The following SHANK2 variants were observed in gnomAD, a reference collection of about 807,000 sequenced individuals.
SHANK2 encodes the protein SH3 and multiple ankyrin repeat domains protein 2.
Under a neutral mutation model 133.7 loss-of-function variants are expected in SHANK2, and 43 were observed. That is an observed-to-expected ratio of 0.32 (90% CI 0.25 to 0.41). SHANK2 has a LOEUF of 0.41. Among genes scored for constraint, SHANK2 ranks in the 10% least tolerant of loss-of-function variants. SHANK2 has a pLI of 1.00. For missense variants in SHANK2, 1,994 were observed against 2,235.8 expected, an observed-to-expected ratio of 0.89 and a Z score of 2.18; for synonymous variants, 1,017 against 952.8, an observed-to-expected ratio of 1.07 and a Z score of -1.24.
chr11:71,085,671 TTATATA>T (rs1162525423), intron 8 of SHANK2, among the ~76,000 whole-genome samples: 2 of 18,682 alleles, frequency 1.1e-4, no homozygotes, highest in African/African-American at 2.0e-4. Context: ...ATTATATATG[TTATATA>T]TATAATATAA....
chr11:71,110,007 C>A lies in SHANK2; in HGVS notation c.526G>T (p.Val176Leu), dbSNP rs1565456614. The change falls in exon 6 of 26, where the codon GTG becomes TTG. Residue 176 changes from valine (V) to leucine (L), a missense_variant. By Grantham distance (32) the Val-to-Leu change is conservative. Around this residue, in one of 5 missense-constraint regions of SHANK2, gnomAD observed 653 missense variants for 563.4 expected, o/e 1.16. Transcript: ENST00000601538. ...KCMDHIQHRL[V>L]EKITKMLDRG... The stretch of plus-strand genomic sequence containing the variant: ...TCCAGCATCTTGGTGATCTTCTCCA[C>A]CAAGCGATGCTGAATGTGATCCATG... 2 of 1,551,746 alleles carry A rather than the reference C, an allele frequency of 1.3e-6. No homozygotes were observed. Among genetic ancestry groups the A allele is most frequent in the Non-Finnish European group, 1.7e-6 (2 of 1,146,984 alleles).
intron 11 of SHANK2, among the ~76,000 whole-genome samples, chr11:70,887,389 G>T (rs1194818976): frequency 6.6e-6 from 1 of 151,360 alleles, no homozygotes; most frequent in Non-Finnish European, 1.5e-5. Flanking sequence ...AAGAGGAAGG[G>T]GACAGAAACA....
At chr11:70,781,558 T>TTATATATATA (rs1273792106) in intron 14 of SHANK2, among the ~76,000 whole-genome samples, 414 of 28,924 alleles carry the variant, frequency 0.014, 43 homozygotes, top group East Asian at 0.072. Context: ...TACTTACTTA[T>TTATATATATA]TATATATATA....
chr11:70,659,469 G>A (rs569042749), intron 17 of SHANK2, among the ~76,000 whole-genome samples: 28 of 152,272 alleles, frequency 1.8e-4, no homozygotes, highest in Admixed American at 7.2e-4. Context: ...AAGAAGGGAC[G>A]ATGACTCCTC....
intron 10 of SHANK2, among the ~76,000 whole-genome samples, chr11:70,932,442 A>G (rs1950516310): frequency 6.6e-6 from 1 of 152,208 alleles, no homozygotes; most frequent in African/African-American, 2.4e-5. Context: ...CCGCTAAGGG[A>G]AGCAGATGCA....
chr11:70,889,510 G>A (rs542339865), intron 11 of SHANK2, among the ~76,000 whole-genome samples: 6 of 152,348 alleles, frequency 3.9e-5, no homozygotes, highest in African/African-American at 1.4e-4. Flanking sequence ...AGATGTGGAT[G>A]AGCAGAAACG....
intron 24 of SHANK2, chr11:70,488,984 G>A (rs2058849395): frequency 5.9e-6 from 2 of 339,042 alleles, no homozygotes; most frequent in South Asian, 5.3e-5. Flanking sequence ...CACACACACC[G>A]ACAGACGCGT....
rs189400461 is a variant in SHANK2 at position 71,208,237 on chromosome 11, G to A, written c.-13+16460C>T. Among the ~76,000 whole-genome samples the A allele has an allele frequency of 1.0e-3, 158 of 152,184 alleles. 1 individual carries two copies. The highest frequency in any genetic ancestry group is 3.6e-3 in the African/African-American group (151 of 41,548). Reference sequence around the variant, plus strand: ...GCATGAGCTGGAAGTGGGCATTGCTGGTTGAGTGGGATGTGCCAGGGCAGG... The same window carrying A: ...GCATGAGCTGGAAGTGGGCATTGCTAGTTGAGTGGGATGTGCCAGGGCAGG... On this transcript the variant is annotated intron_variant, in intron 2 of 25. Transcript: ENST00000601538.
chr11:70,831,921 C>T (rs945666069), intron 11 of SHANK2, among the ~76,000 whole-genome samples: 5 of 152,312 alleles, frequency 3.3e-5, no homozygotes, highest in East Asian at 3.9e-4. Context: ...AGCCATGGGC[C>T]GGTTGGACAC....
intron 11 of SHANK2, among the ~76,000 whole-genome samples, chr11:70,829,982 A>G (rs1948702687): frequency 6.6e-6 from 1 of 152,186 alleles, no homozygotes; most frequent in African/African-American, 2.4e-5. Context: ...ACCTTTGCAC[A>G]GGGGTTCTCA....
At chr11:70,867,332 A>G (rs1355232648) in intron 11 of SHANK2, among the ~76,000 whole-genome samples, 1 of 152,218 alleles carries the variant, frequency 6.6e-6, no homozygotes, top group Non-Finnish European at 1.5e-5. Flanking sequence ...GAGAGTGCAC[A>G]CGTCTTGGCT....
At chr11:70,815,918 G>A (rs1590715394) in intron 12 of SHANK2, among the ~76,000 whole-genome samples, 1 of 152,192 alleles carries the variant, frequency 6.6e-6, no homozygotes, top group African/African-American at 2.4e-5. Context: ...AGGGACAGGG[G>A]ACCTGGCCAG....
At chr11:70,513,158 T>C (rs1033561903) in intron 17 of SHANK2, among the ~76,000 whole-genome samples, 6 of 151,528 alleles carry the variant, frequency 4.0e-5, no homozygotes, top group African/African-American at 1.5e-4. Context: ...CACCTGCAGT[T>C]TTTTGTTTTT....
chr11:70,889,889 C>A (rs186948633), intron 11 of SHANK2, among the ~76,000 whole-genome samples: 3 of 152,240 alleles, frequency 2.0e-5, no homozygotes, highest in Admixed American at 6.5e-5. Flanking sequence ...AGGAGGCAGA[C>A]GCAGCTGGAA....
rs1234521397 is a variant in SHANK2 at position 70,500,068 on chromosome 11, C to T, written c.2308+502G>A. 6.6e-6 allele frequency among the ~76,000 whole-genome samples: 1 copy of T among 152,172 alleles called. No homozygotes were observed. The highest frequency in any genetic ancestry group is 2.4e-5 in the African/African-American group (1 of 41,452). The stretch of plus-strand genomic sequence containing the variant: ...ACAGCCACAGTGACTGCCAGTCTCC[C>T]ACTCCACACCAGCCCTGGGTGGGGA... On this transcript the variant is annotated intron_variant, in intron 21 of 25. Coordinates refer to ENST00000601538, the MANE Select transcript of SHANK2 (RefSeq NM_012309.5). The surrounding 1 kb of genome is among the most constrained non-coding windows in gnomAD (Gnocchi z 4.5).
intron 13 of SHANK2, among the ~76,000 whole-genome samples, chr11:70,802,462 C>G (rs1259437926): frequency 3.3e-5 from 5 of 152,212 alleles, no homozygotes; most frequent in African/African-American, 1.2e-4. Flanking sequence ...AGCCTGGGTA[C>G]AGAAACCTGC....
chr11:71,066,143 TTGGG>T (rs1590879409), intron 9 of SHANK2, among the ~76,000 whole-genome samples: 28 of 49,444 alleles, frequency 5.7e-4, no homozygotes, highest in Admixed American at 1.2e-3. Context: ...AGTGGGGAAG[TTGGG>T]TGGGGGGGGT....
chr11:70,636,860 G>A (rs922244815), intron 17 of SHANK2, among the ~76,000 whole-genome samples: 1 of 152,124 alleles, frequency 6.6e-6, no homozygotes, highest in Non-Finnish European at 1.5e-5. Context: ...ATGTAAGCAT[G>A]TGTGAACATG....
At chr11:71,116,334 G>T (rs986114563) in intron 4 of SHANK2, among the ~76,000 whole-genome samples, 10 of 152,252 alleles carry the variant, frequency 6.6e-5, no homozygotes, top group African/African-American at 2.4e-4. Context: ...GAGTAGAAAT[G>T]ATCCGTTTCT....
Sources: allele counts gnomAD v4.1 joint callset (sites outside exome capture counted in the v4.1 genomes callset), GRCh38; gene constraint gnomAD v4.1.1; regional missense constraint gnomAD v4.1.1; non-coding constraint Gnocchi (gnomAD v3.1); transcripts MANE v1.5; gene names NCBI Gene and HGNC (gene_info 2026-07-23, HGNC 2026-07-21).